Variants in ECT2 observed in about 807,000 individuals in gnomAD.
ECT2 encodes protein ECT2.
A neutral mutation model predicts 116.9 loss-of-function variants in ECT2; 61 were observed. The ratio of observed to expected loss-of-function variants is 0.52; its 90% CI spans 0.42 to 0.65. The LOEUF (loss-of-function observed/expected upper bound fraction) is 0.65. Among genes scored for constraint, ECT2 ranks in the 30% least tolerant of loss-of-function variants. The pLI, the probability that ECT2 is intolerant of heterozygous loss-of-function variation, is 0.00. For missense variants in ECT2, 937 were observed against 1,078.7 expected (o/e 0.87, Z 1.84); for synonymous variants, 358 against 346.4 (o/e 1.03, Z -0.37).
chr3:172,767,968 G>C (rs553370006), intron 12 of ECT2, among the ~76,000 whole-genome samples: 1 of 152,166 alleles, frequency 6.6e-6, no homozygotes, highest in Non-Finnish European at 1.5e-5. Flanking sequence ...CTGACCTCAA[G>C]TGATCTGTCC....
At position 172,754,563 on chromosome 3, in the gene ECT2, T is replaced by A. The variant is rs144621390; in HGVS notation, c.33T>A (p.Thr11=). The change falls in exon 2 of 25, where the codon ACT becomes ACA. Residue 11 remains threonine (T), a synonymous_variant. Coordinates refer to ENST00000392692, the MANE Select transcript of ECT2 (RefSeq NM_001258315.2). The part of the protein sequence containing the change: MAENSVLTST[T]GRTSLADSSI... ...AAAATAGTGTATTAACATCCACTAC[T>A]GGGAGGACTAGCTTGGCAGACTCTT... The A allele has an allele frequency of 1.2e-6, 2 of 1,611,152 alleles. No individual in the cohort carries two copies. The highest frequency in any genetic ancestry group is 1.3e-5 in the African/African-American group (1 of 74,934).
At chr3:172,772,568 A>G (rs1455235199) in intron 13 of ECT2, among the ~76,000 whole-genome samples, 1 of 152,184 alleles carries the variant, frequency 6.6e-6, no homozygotes, top group Non-Finnish European at 1.5e-5. Context: ...TGTCATTCAT[A>G]GCGTATTTTT....
intron 18 of ECT2, among the ~76,000 whole-genome samples, chr3:172,795,829 C>T (rs1034918909): frequency 7.9e-5 from 12 of 151,910 alleles, no homozygotes; most frequent in South Asian, 2.1e-4. Flanking sequence ...AAAACAAAAA[C>T]GAATTGCTGA....
chr3:172,817,077 A>G (rs187114681), intron 24 of ECT2, among the ~76,000 whole-genome samples: 212 of 152,160 alleles, frequency 1.4e-3, no homozygotes, highest in Non-Finnish European at 1.3e-3. Flanking sequence ...TATACTTACA[A>G]AGCTGGCTGC....
intron 13 of ECT2, 44 bp from the exon 14 acceptor site, chr3:172,773,859 C>A: frequency 6.3e-7 from 1 of 1,579,922 alleles, no homozygotes; most frequent in South Asian, 1.1e-5. Context: ...TAGCTCTTTT[C>A]TTTTTCCCAC....
At chr3:172,786,648 A>G in intron 18 of ECT2, 74 bp downstream of exon 18, 2 of 997,322 alleles carry the variant, frequency 2.0e-6, no homozygotes, top group Non-Finnish European at 3.0e-6. Flanking sequence ...AGAATCATAA[A>G]TAGGAAAATA....
rs60558773 is a variant in ECT2, at chr3:172,776,198, C to CTTTTTTTTTT, written c.1548+2190_1548+2199dup. 2.2e-3 allele frequency among the ~76,000 whole-genome samples: 246 copies of CTTTTTTTTTT among 111,570 alleles called. 2 individuals carry two copies. The highest frequency in any genetic ancestry group is 7.0e-3 in the African/African-American group (201 of 28,796). The allele number at this position is 111,570 out of a possible 152,430, so 73.2% of individuals were successfully genotyped here. On this transcript the variant is annotated intron_variant, in intron 14 of 24. Transcript: ENST00000392692. Reference sequence around the variant, plus strand: ...TCAACTATTAGTTTTTCAGTTTTTTCTTTTTTTTTTTTTTTTTTTTTTTGT... The same window carrying CTTTTTTTTTT: ...TCAACTATTAGTTTTTCAGTTTTTTCTTTTTTTTTTTTTTTTTTTTTTTTTTTTTTTTTGT...
intron 4 of ECT2, among the ~76,000 whole-genome samples, chr3:172,755,904 C>G (rs1327001246): frequency 6.6e-6 from 1 of 152,154 alleles, no homozygotes; most frequent in Non-Finnish European, 1.5e-5. Context: ...TAGTTAATTG[C>G]TTAAACAGTA....
At chr3:172,789,687 TA>T (rs1449587499) in intron 18 of ECT2, among the ~76,000 whole-genome samples, 1 of 152,252 alleles carries the variant, frequency 6.6e-6, no homozygotes, top group African/African-American at 2.4e-5. Context: ...TGTAGTATTC[TA>T]AATCCTTTCT....
intron 18 of ECT2, among the ~76,000 whole-genome samples, chr3:172,788,367 A>G (rs1723986122): frequency 6.6e-6 from 1 of 152,232 alleles, no homozygotes; most frequent in Non-Finnish European, 1.5e-5. Context: ...TAGTTCAAAT[A>G]TGGCTTTTTT....
chr3:172,800,074 A>C (rs1357972238), intron 18 of ECT2, among the ~76,000 whole-genome samples: 1 of 152,180 alleles, frequency 6.6e-6, no homozygotes, highest in Non-Finnish European at 1.5e-5. Flanking sequence ...AATTAAGCCT[A>C]CCTTCAAGAT....
intron 18 of ECT2, among the ~76,000 whole-genome samples, chr3:172,789,870 C>T (rs952466826): frequency 4.6e-5 from 7 of 152,190 alleles, no homozygotes; most frequent in African/African-American, 1.7e-4. Context: ...AGTCCACTTG[C>T]CATTTCTGCC....
At chr3:172,787,176 CTG>C (rs1723747334) in intron 18 of ECT2, among the ~76,000 whole-genome samples, 2 of 152,148 alleles carry the variant, frequency 1.3e-5, no homozygotes, top group African/African-American at 4.8e-5. Flanking sequence ...TTACCATTAA[CTG>C]TTTCTGGTTT....
chr3:172,809,568 T>TACAC (rs10576393), intron 22 of ECT2, among the ~76,000 whole-genome samples: 73 of 147,242 alleles, frequency 5.0e-4, no homozygotes, highest in East Asian at 2.8e-3. Flanking sequence ...TGTGTATATC[T>TACAC]ACACACACAC....
chr3:172,769,976 A>G (rs529715549), intron 13 of ECT2, among the ~76,000 whole-genome samples: 1 of 152,306 alleles, frequency 6.6e-6, no homozygotes, highest in South Asian at 2.1e-4. Flanking sequence ...ATAACTCATT[A>G]AGGGCCAATT....
intron 18 of ECT2, among the ~76,000 whole-genome samples, chr3:172,787,820 A>G (rs1202536786): frequency 2.0e-5 from 3 of 152,200 alleles, no homozygotes; most frequent in Non-Finnish European, 4.4e-5. Flanking sequence ...AGAATACTCT[A>G]CAAGTGGCTT....
chr3:172,764,472 C>T lies in ECT2; in HGVS notation c.1263C>T (p.Asn421=). The T allele has an allele frequency of 3.7e-6, 6 of 1,614,070 alleles. No individual in the cohort carries two copies. Among genetic ancestry groups the T allele is most frequent in the Non-Finnish European group, 5.1e-6 (6 of 1,179,938 alleles). ...LSIGSLLDIS[N]TPESSINYGD... ...TAGGGTCACTCCTAGATATCTCCAA[C>T]ACACCAGAGTCTAGCATTAACTATG... The change falls in exon 12 of 25, where the codon AAC becomes AAT. Residue 421 remains asparagine (N), a synonymous_variant. Coordinates refer to ENST00000392692, the MANE Select transcript of ECT2 (RefSeq NM_001258315.2).
intron 18 of ECT2, among the ~76,000 whole-genome samples, chr3:172,790,519 T>C (rs1455531999): frequency 6.6e-6 from 1 of 152,246 alleles, no homozygotes; most frequent in Non-Finnish European, 1.5e-5. Flanking sequence ...AATGTCCCAT[T>C]GCTTACTTCT....
chr3:172,797,184 C>T (rs1270212256), intron 18 of ECT2, among the ~76,000 whole-genome samples: 1 of 149,984 alleles, frequency 6.7e-6, no homozygotes, highest in African/African-American at 2.4e-5. Context: ...TGTGCACCAC[C>T]GTGCCTAGCT....
Sources: allele counts gnomAD v4.1 joint callset (sites outside exome capture counted in the v4.1 genomes callset), GRCh38; gene constraint gnomAD v4.1.1; transcripts MANE v1.5; gene names NCBI Gene and HGNC (gene_info 2026-07-23, HGNC 2026-07-21).